Variants in CAMTA1 observed in about 807,000 individuals in gnomAD.
The protein encoded by CAMTA1 is calmodulin binding transcription activator 1.
Under a neutral mutation model 170.9 loss-of-function variants are expected in CAMTA1, and 27 were observed. The observed-to-expected ratio is 0.16, with a 90% CI of 0.12 to 0.22. CAMTA1 has a LOEUF of 0.22. Ranked by LOEUF, CAMTA1 falls within the 10% of genes least tolerant of loss-of-function variation. The pLI, the probability that CAMTA1 is intolerant of heterozygous loss-of-function variation, is 1.00. For synonymous variants in CAMTA1, 833 were observed against 891.5 expected (o/e 0.93, Z 1.17); for missense variants, 1,619 against 2,217.2 (o/e 0.73, Z 5.42).
At chr1:7,517,171 T>C (rs1575752915) in intron 6 of CAMTA1, among the ~76,000 whole-genome samples, 1 of 152,182 alleles carries the variant, frequency 6.6e-6, no homozygotes, top group East Asian at 1.9e-4. Flanking sequence ...CTCCAAATAC[T>C]CCATCACTTA....
intron 5 of CAMTA1, among the ~76,000 whole-genome samples, chr1:7,355,105 C>T (rs2084993973): frequency 6.6e-6 from 1 of 151,042 alleles, no homozygotes; most frequent in Non-Finnish European, 1.5e-5. Flanking sequence ...ACTTGGGATG[C>T]TAAGGCAGGA....
At chr1:6,840,625 A>G (rs112879312) in intron 3 of CAMTA1, among the ~76,000 whole-genome samples, 11 of 152,326 alleles carry the variant, frequency 7.2e-5, no homozygotes, top group African/African-American at 1.9e-4. Context: ...GGCAACTTCC[A>G]TAAGTCTGGG....
At chr1:7,246,662 C>A (rs1665838403) in intron 4 of CAMTA1, among the ~76,000 whole-genome samples, 1 of 144,914 alleles carries the variant, frequency 6.9e-6, no homozygotes, top group Non-Finnish European at 1.5e-5. Flanking sequence ...CCCACCAGCT[C>A]TGACCTGCTT....
At chr1:6,856,083 G>C (rs1662234149) in intron 3 of CAMTA1, among the ~76,000 whole-genome samples, 1 of 152,148 alleles carries the variant, frequency 6.6e-6, no homozygotes, top group South Asian at 2.1e-4. Flanking sequence ...GGGATGCTGG[G>C]GGGAGCTGCT....
At position 6,863,825 on chromosome 1, in the gene CAMTA1, A is replaced by G. The variant is rs112679850; in HGVS notation, c.234+38615A>G. On this transcript the variant is annotated intron_variant, in intron 3 of 22. Transcript: ENST00000303635. ...ATTCAGATTTCCTTAATTTTCCCCT[A>G]AAGTCTTGTTCTTTTTCAGAATCCC... Among the ~76,000 whole-genome samples, 1,006 of 152,290 alleles carry G rather than the reference A, an allele frequency of 6.6e-3. 8 individuals are homozygous for G. Among genetic ancestry groups the G allele is most frequent in the African/African-American group, 0.023 (941 of 41,546 alleles).
At chr1:7,031,688 T>C (rs1209774757) in intron 3 of CAMTA1, among the ~76,000 whole-genome samples, 2 of 151,984 alleles carry the variant, frequency 1.3e-5, no homozygotes, top group Non-Finnish European at 2.9e-5. Flanking sequence ...TACAGGCGCG[T>C]GCCACCATGC....
In CAMTA1 at chr1:7,092,275, A is replaced by G. The variant is rs1225401450; in HGVS notation, c.302+904A>G. The stretch of plus-strand genomic sequence containing the variant: ...AAGCCCCAGAGTCCCCAGGTTTGTT[A>G]GGACCAGGGAAGGGTTGAGTGTGTC... On this transcript the variant is annotated intron_variant, in intron 4 of 22. Transcript: ENST00000303635. The surrounding 1 kb of genome is among the most constrained non-coding windows in gnomAD (Gnocchi z 5.0). Among the ~76,000 whole-genome samples the G allele has an allele frequency of 6.6e-6, 1 of 152,182 alleles. No individual in the cohort carries two copies. The highest frequency in any genetic ancestry group is 1.5e-5 in the Non-Finnish European group (1 of 68,034).
rs201327101 is a variant in CAMTA1, at chr1:7,573,905, C to CTGGGATT, written c.511-66494_511-66488dup. 1.1e-3 allele frequency among the ~76,000 whole-genome samples: 169 copies of CTGGGATT among 152,208 alleles called. 2 individuals carry two copies. The East Asian group carries it at 0.032, about 29-fold the overall frequency. On this transcript the variant is annotated intron_variant, in intron 6 of 22. Coordinates refer to ENST00000303635, the MANE Select transcript of CAMTA1 (RefSeq NM_015215.4). ...TCTCCTGCCTCAGCCTCCCGTGTAG[C>CTGGGATT]TGGGATTACAGGCGTGCACCACCAT...
chr1:6,803,108 C>A (rs949000605), intron 1 of CAMTA1, among the ~76,000 whole-genome samples: 1 of 152,152 alleles, frequency 6.6e-6, no homozygotes, highest in African/African-American at 2.4e-5. Context: ...ATGGTCTGTG[C>A]GGTCTTTGCC....
chr1:7,026,371 C>T (rs549628197), intron 3 of CAMTA1, among the ~76,000 whole-genome samples: 10 of 152,182 alleles, frequency 6.6e-5, no homozygotes, highest in South Asian at 2.1e-4. Context: ...ATCCGTGGCA[C>T]GGCCTCATGT....
At chr1:7,362,276 TTAGAGTTAGTGGACTTGGG>T (rs1431179807) in intron 5 of CAMTA1, among the ~76,000 whole-genome samples, 2 of 151,564 alleles carry the variant, frequency 1.3e-5, no homozygotes, top group Non-Finnish European at 1.5e-5. Context: ...GTAAACTTGG[TTAGAGTTAGTGGACTTGGG>T]TAGAGTTAGT....
intron 19 of CAMTA1, among the ~76,000 whole-genome samples, chr1:7,749,551 C>A (rs1011936599): frequency 6.6e-6 from 1 of 150,928 alleles, no homozygotes; most frequent in African/African-American, 2.4e-5. Flanking sequence ...AAAAAAAAAA[C>A]CCTCCCCAGA....
intron 5 of CAMTA1, among the ~76,000 whole-genome samples, chr1:7,387,074 G>A (rs967629444): frequency 6.6e-6 from 1 of 151,920 alleles, no homozygotes; most frequent in African/African-American, 2.4e-5. Flanking sequence ...CTCTTCCTGG[G>A]CTCTCTTCCT....
intron 5 of CAMTA1, among the ~76,000 whole-genome samples, chr1:7,368,397 A>G (rs2086182331): frequency 6.6e-6 from 1 of 151,158 alleles, no homozygotes; most frequent in Middle Eastern, 3.5e-3. Context: ...GGCCCTGGGC[A>G]CTCATGCTTT....
chr1:7,745,881 T>C lies in CAMTA1; in HGVS notation c.4407T>C (p.Asn1469=). 1 of 1,614,246 alleles carries C rather than the reference T, an allele frequency of 6.2e-7. No homozygotes were observed. Among genetic ancestry groups the C allele is most frequent in the Non-Finnish European group, 8.5e-7 (1 of 1,180,036 alleles). ...AYNEPLTPSS[N]TSLSPVGSPV... is the part of the protein sequence containing the mutation. ...ACGAGCCTCTAACCCCTTCTTCTAATACCAGCTTGAGCCCTGTTGGCTCTC... is the reference window on the plus strand; with the variant it reads ...ACGAGCCTCTAACCCCTTCTTCTAACACCAGCTTGAGCCCTGTTGGCTCTC... The change falls in exon 18 of 23, where the codon AAT becomes AAC. Residue 1469 remains asparagine, a synonymous_variant. Coordinates refer to ENST00000303635, the MANE Select transcript of CAMTA1 (RefSeq NM_015215.4).
At chr1:7,253,815 T>G (rs1386204767) in intron 5 of CAMTA1, among the ~76,000 whole-genome samples, 2 of 152,090 alleles carry the variant, frequency 1.3e-5, no homozygotes, top group African/African-American at 4.8e-5. Flanking sequence ...ACTTTTCAGA[T>G]GAAGTCAGCA....
intron 11 of CAMTA1, among the ~76,000 whole-genome samples, chr1:7,727,176 G>T: frequency 6.9e-6 from 1 of 145,460 alleles, no homozygotes; most frequent in Non-Finnish European, 1.5e-5. Flanking sequence ...AGGGTGGAGT[G>T]CAGTGGCGCG....
At chr1:6,800,548 A>C (rs1322755840) in intron 1 of CAMTA1, among the ~76,000 whole-genome samples, 2 of 148,208 alleles carry the variant, frequency 1.3e-5, no homozygotes, top group African/African-American at 2.7e-5. Context: ...ATAGACTTAA[A>C]TAATATATGA....
Position 7,634,048 on chromosome 1 carries a change from G to A in CAMTA1, c.511-6352G>A, listed in dbSNP as rs1315686277. On this transcript the variant is annotated intron_variant, in intron 6 of 22. Coordinates refer to ENST00000303635, the MANE Select transcript of CAMTA1 (RefSeq NM_015215.4). This position sits in a 1 kb window ranked among gnomAD's most constrained non-coding sequence, Gnocchi z 6.2. ...GCAAGAAGCACAGGTGGCCCGGCCT[G>A]GAACCGTGGCAGGAGTGTGGGCCTG... 6.6e-6 allele frequency among the ~76,000 whole-genome samples: 1 copy of A among 152,194 alleles called. No individual in the cohort carries two copies. Among genetic ancestry groups the A allele is most frequent in the African/African-American group, 2.4e-5 (1 of 41,460 alleles).
Sources: gnomAD v4.1 joint callset for allele counts (sites outside exome capture counted in the v4.1 genomes callset) on GRCh38, gnomAD v4.1.1 for gene constraint, Gnocchi (gnomAD v3.1) non-coding constraint, MANE v1.5 for transcripts, NCBI Gene and HGNC (gene_info 2026-07-23, HGNC 2026-07-21) for gene names.